MECOM: variants seen among roughly 807,000 people sequenced by gnomAD.
The protein encoded by MECOM is MDS1 and EVI1 complex locus, also known as histone-lysine N-methyltransferase MECOM.
A neutral mutation model predicts 116.3 loss-of-function variants in MECOM; 13 were observed. The observed-to-expected ratio is 0.11, with a 90% confidence interval of 0.07 to 0.18. MECOM has a LOEUF of 0.18. Among genes scored for constraint, MECOM ranks in the 10% least tolerant of loss-of-function variants. The pLI is 1.00. For synonymous variants in MECOM, 528 were observed against 535.2 expected (o/e 0.99, Z 0.19); for missense variants, 1,299 against 1,509.0 (o/e 0.86, Z 2.31).
chr3:169,373,663 G>A (rs1258237945), intron 2 of MECOM, among the ~76,000 whole-genome samples: 2 of 151,966 alleles, frequency 1.3e-5, no homozygotes, highest in African/African-American at 4.8e-5. Flanking sequence ...CATGGAAAAT[G>A]GGGTATCATG....
intron 1 of MECOM, among the ~76,000 whole-genome samples, chr3:169,386,388 G>T (rs1197396000): frequency 6.6e-6 from 1 of 152,094 alleles, no homozygotes; most frequent in Non-Finnish European, 1.5e-5. Flanking sequence ...AGACTAGCTG[G>T]GTGTCCAAAC....
intron 2 of MECOM, chr3:169,146,904 G>C (rs767596247): frequency 2.9e-5 from 30 of 1,028,902 alleles, no homozygotes; most frequent in Non-Finnish European, 3.5e-5. Context: ...CTCGCGTCTC[G>C]ATTTCCAAAT....
chr3:169,139,897 G>T (rs1019337239), intron 3 of MECOM, among the ~76,000 whole-genome samples: 3 of 151,480 alleles, frequency 2.0e-5, no homozygotes, highest in Admixed American at 2.0e-4. Context: ...CAATCAAAAT[G>T]GTTTGTAAAA....
intron 1 of MECOM, among the ~76,000 whole-genome samples, chr3:169,655,896 C>T (rs1017347715): frequency 2.0e-5 from 3 of 152,106 alleles, no homozygotes; most frequent in African/African-American, 7.2e-5. Flanking sequence ...CACATTATAC[C>T]AATTAACTCT....
At chr3:169,412,276 ACT>A (rs1399109308) in intron 1 of MECOM, among the ~76,000 whole-genome samples, 1 of 141,904 alleles carries the variant, frequency 7.0e-6, no homozygotes, top group Non-Finnish European at 1.5e-5. Context: ...ACAGAGTGAG[ACT>A]CTGTCTCAAA....
At chr3:169,092,210 G>A (rs1049411155) in intron 14 of MECOM, among the ~76,000 whole-genome samples, 2 of 151,890 alleles carry the variant, frequency 1.3e-5, no homozygotes, top group African/African-American at 4.8e-5. Flanking sequence ...TGATAAAAGG[G>A]AGCCAGTGCA....
At chr3:169,352,539 GA>G (rs1726508728) in intron 2 of MECOM, among the ~76,000 whole-genome samples, 1 of 151,756 alleles carries the variant, frequency 6.6e-6, no homozygotes, top group South Asian at 2.1e-4. Flanking sequence ...TTGTTGGGGG[GA>G]AAAGTATGGC....
chr3:169,643,989 C>T (rs562931912), intron 1 of MECOM, among the ~76,000 whole-genome samples: 2 of 152,224 alleles, frequency 1.3e-5, no homozygotes, highest in African/African-American at 4.8e-5. Flanking sequence ...CAGTTTCACC[C>T]CCTCGTACGC....
chr3:169,375,833 G>T (rs952117062), intron 2 of MECOM, among the ~76,000 whole-genome samples: 1 of 151,676 alleles, frequency 6.6e-6, no homozygotes, highest in African/African-American at 2.4e-5. Context: ...ATTTTATGAG[G>T]CCAGCATCAT....
intron 1 of MECOM, among the ~76,000 whole-genome samples, chr3:169,659,072 CAA>C (rs199570807): frequency 1.3e-4 from 11 of 83,540 alleles, no homozygotes; most frequent in Admixed American, 1.3e-4. Context: ...CCTTCAACTC[CAA>C]AAAAAAAAAA....
At chr3:169,583,504 C>T (rs947456059) in intron 1 of MECOM, among the ~76,000 whole-genome samples, 2 of 152,230 alleles carry the variant, frequency 1.3e-5, no homozygotes, top group Admixed American at 6.5e-5. Context: ...TCCTGTAGAA[C>T]TGCCCATCAC....
At chr3:169,159,642 C>T (rs1009256628) in intron 2 of MECOM, among the ~76,000 whole-genome samples, 3 of 152,106 alleles carry the variant, frequency 2.0e-5, no homozygotes, top group Non-Finnish European at 4.4e-5. Context: ...ATATAAAGCA[C>T]TTAGTGTAAT....
intron 1 of MECOM, among the ~76,000 whole-genome samples, chr3:169,507,505 T>C (rs1755381354): frequency 6.6e-6 from 1 of 152,012 alleles, no homozygotes; most frequent in East Asian, 1.9e-4. Context: ...CAAATTAAGG[T>C]GTCTGCTTTC....
intron 1 of MECOM, among the ~76,000 whole-genome samples, chr3:169,496,011 G>T (rs191546140): frequency 4.0e-4 from 61 of 152,312 alleles, no homozygotes; most frequent in African/African-American, 1.4e-3. Flanking sequence ...ACTCCAACTA[G>T]AAGTCACAAA....
chr3:169,128,121 A>T, intron 4 of MECOM, 61 bp from the exon 5 acceptor site: 1 of 1,442,420 alleles, frequency 6.9e-7, no homozygotes, highest in Non-Finnish European at 9.8e-7. Context: ...CAAACCAGCC[A>T]ATCTTACCAA....
intron 2 of MECOM, among the ~76,000 whole-genome samples, chr3:169,194,464 TA>T (rs1407261780): frequency 1.3e-5 from 2 of 151,698 alleles, no homozygotes; most frequent in Non-Finnish European, 2.9e-5. Context: ...TAAAGTATAA[TA>T]AAAAATAAAA....
chr3:169,090,268 G>A, intron 14 of MECOM, 32 bp from the exon 15 acceptor site: 1 of 1,559,892 alleles, frequency 6.4e-7, no homozygotes, highest in Admixed American at 2.1e-5. Context: ...AAGTCCAATT[G>A]TTGGTTTCAT....
intron 1 of MECOM, among the ~76,000 whole-genome samples, chr3:169,432,562 A>C (rs958544994): frequency 6.6e-6 from 1 of 152,226 alleles, no homozygotes; most frequent in Non-Finnish European, 1.5e-5. Flanking sequence ...ACAGACATAT[A>C]CTTTCTTCAT....
chr3:169,389,445 G>C (rs931954652), intron 1 of MECOM: 49 of 488,510 alleles, frequency 1.0e-4, no homozygotes, highest in Non-Finnish European at 1.2e-4. Flanking sequence ...GAATGACCAG[G>C]TAAGAACAGA....
Sources: allele counts gnomAD v4.1 joint callset (sites outside exome capture counted in the v4.1 genomes callset), GRCh38; gene constraint gnomAD v4.1.1; transcripts MANE v1.5; gene names NCBI Gene and HGNC (gene_info 2026-07-23, HGNC 2026-07-21).